DKK4: variants seen among roughly 807,000 people sequenced by gnomAD.
DKK4 encodes dickkopf-related protein 4.
Under a neutral mutation model 14.5 loss-of-function variants are expected in DKK4, and 15 were observed. That is an observed-to-expected ratio of 1.03 (90% CI 0.69 to 1.59). The LOEUF (loss-of-function observed/expected upper bound fraction) is 1.59. Among genes scored for constraint, DKK4 ranks in the 40% most tolerant of loss-of-function variants. The probability of loss-of-function intolerance (pLI) is 0.00; values close to 1 mark genes in which losing one functional copy is unlikely to be tolerated. For synonymous variants in DKK4, 89 were observed against 105.2 expected (o/e 0.85, Z 0.94); for missense variants, 272 against 280.3 (o/e 0.97, Z 0.21).
In DKK4 at chr8:42,374,322, A is replaced by G. The variant is rs757069150; in HGVS notation, c.453T>C (p.Cys151=). 21 of 1,613,712 alleles carry G rather than the reference A, an allele frequency of 1.3e-5. No individual in the cohort carries two copies. Among genetic ancestry groups the G allele is most frequent in the African/African-American group, 4.0e-5 (3 of 74,906 alleles). ...GACGAGCACAGCAAAGTCCAGGGCCACAGTCAAAAGTTCTCAGACAACTTT... is the reference window on the plus strand; with the variant it reads ...GACGAGCACAGCAAAGTCCAGGGCCGCAGTCAAAAGTTCTCAGACAACTTT... ...EGESCLRTFD[C]GPGLCCARHF... is the part of the protein sequence containing the mutation. Residue 151 remains cysteine (C), a synonymous_variant, in exon 4 of 4, where the codon TGT becomes TGC. Transcript: ENST00000220812.
chr8:42,380,753 AG>A (rs1445046848), upstream of DKK4, among the ~76,000 whole-genome samples: 6 of 149,486 alleles, frequency 4.0e-5, no homozygotes, highest in Admixed American at 2.0e-4. Flanking sequence ...GGAAAGAGAG[AG>A]AGAGAGAGAG....
In DKK4 at chr8:42,374,308, C is replaced by T. The variant is rs1245988684; in HGVS notation, c.467G>A (p.Cys156Tyr). The change falls in exon 4 of 4, where the codon TGC becomes TAC. Residue 156 changes from cysteine (C) to tyrosine (Y), a missense_variant. Transcript: ENST00000220812. ...TTTCGTCCAAAAATGACGAGCACAG[C>T]AAAGTCCAGGGCCACAGTCAAAAGT... is the stretch of plus-strand genomic sequence containing the variant. ...LRTFDCGPGL[C>Y]CARHFWTKIC... The T allele has an allele frequency of 1.9e-6, 3 of 1,613,698 alleles. No individual in the cohort carries two copies. Among genetic ancestry groups the T allele is most frequent in the Non-Finnish European group, 8.5e-7 (1 of 1,179,932 alleles).
At chr8:42,386,412 C>G in the DKK4 span, among the ~76,000 whole-genome samples, 6 of 152,146 alleles carry the variant, frequency 3.9e-5, no homozygotes, top group Admixed American at 3.9e-4. Context: ...GAACCCATGG[C>G]TATACCACAA....
chr8:42,380,426 AAAG>A (rs1305312098), upstream of DKK4, among the ~76,000 whole-genome samples: 8 of 147,526 alleles, frequency 5.4e-5, no homozygotes, highest in Non-Finnish European at 9.0e-5. Flanking sequence ...GAAAGAAGGG[AAAG>A]AAGAAGAGAG....
At chr8:42,379,414 GAGAGAGAGAGAGAA>G (rs1209418647), upstream of DKK4, among the ~76,000 whole-genome samples, 24 of 130,246 alleles carry the variant, frequency 1.8e-4, no homozygotes, top group Non-Finnish European at 2.1e-4. Flanking sequence ...GAGAGAGAGA[GAGAGAGAGAGAGAA>G]AGATTCAGAC....
Position 42,374,776 on chromosome 8 carries a change from A to G in DKK4, c.400T>C (p.Ser134Pro), listed in dbSNP as rs750167453. 3.7e-6 allele frequency: 6 copies of G among 1,614,008 alleles called. No homozygotes were observed. The East Asian group carries it at 1.3e-4, about 36-fold the overall frequency. The change falls in exon 3 of 4, where the codon TCA becomes CCA. Residue 134 changes from serine (S) to proline (P), a missense_variant. Ser to Pro is a moderately conservative substitution (Grantham distance 74, BLOSUM62 -1). Transcript: ENST00000220812. The part of the protein sequence containing the change: ...QPKRKPSIKK[S>P]QGRKGQEGES... ...CTGTTCTTACCCTTCCTGCCTTGTG[A>G]TTTCTTAATACTTGGCTTCCTTTTG...
intron 2 of DKK4, 75 bp downstream of exon 2, chr8:42,375,605 C>T (rs1824541688): frequency 6.4e-6 from 10 of 1,569,512 alleles, no homozygotes; most frequent in Non-Finnish European, 7.8e-6. Flanking sequence ...GAGTGCCTAC[C>T]CTGGAATATT....
At position 42,375,724 on chromosome 8, in the gene DKK4, C is replaced by A; in HGVS notation, c.218G>T (p.Cys73Phe). ...CATCRGLRRR[C>F]QRDAMCCPGT... ...AGGGCAGCACATGGCATCTCGCTGG[C>A]ACCTCCTCCGCAACCCACGACATGT... Residue 73 changes from cysteine to phenylalanine, a missense_variant, in exon 2 of 4, where the codon TGC becomes TTC. Transcript: ENST00000220812. The A allele has an allele frequency of 6.2e-7, 1 of 1,613,940 alleles. No individual in the cohort carries two copies. The highest frequency in any genetic ancestry group is 8.5e-7 in the Non-Finnish European group (1 of 1,180,016).
intron 1 of DKK4, among the ~76,000 whole-genome samples, chr8:42,376,630 G>A (rs1824569866): frequency 6.6e-6 from 1 of 152,136 alleles, no homozygotes; most frequent in African/African-American, 2.4e-5. Flanking sequence ...AAATTGTGAG[G>A]AAGAGTACAT....
intron 2 of DKK4, 69 bp from the exon 3 acceptor site, chr8:42,374,982 CCTA>C (rs1824530905): frequency 1.3e-6 from 2 of 1,531,828 alleles, no homozygotes; most frequent in Non-Finnish European, 1.8e-6. Flanking sequence ...CACTAATTAT[CCTA>C]CTGTTGCATA....
rs1824528205 is a variant in DKK4 at position 42,374,876 on chromosome 8, T to C, written c.300A>G (p.Leu100=). 1.2e-6 allele frequency: 2 copies of C among 1,614,104 alleles called. No homozygotes were observed. The highest frequency in any genetic ancestry group is 1.7e-6 in the Non-Finnish European group (2 of 1,180,054). Reference sequence around the variant, plus strand: ...CATCTTGCTCATCAAGCTGCCTTTCTAATATTGGGGTTGCATCTTCCATCG... The same window carrying C: ...CATCTTGCTCATCAAGCTGCCTTTCCAATATTGGGGTTGCATCTTCCATCG... The part of the protein sequence containing the change: ...CTTMEDATPI[L]ERQLDEQDGT... Residue 100 remains leucine, a synonymous_variant, in exon 3 of 4, where the codon TTA becomes TTG. Transcript: ENST00000220812.
At chr8:42,375,283 G>T (rs1824535364) in intron 2 of DKK4, among the ~76,000 whole-genome samples, 1 of 152,174 alleles carries the variant, frequency 6.6e-6, no homozygotes, top group South Asian at 2.1e-4. Flanking sequence ...GCTTACGCTT[G>T]TAATCCCAGC....
chr8:42,375,802 C>G lies in DKK4; in HGVS notation c.140G>C (p.Cys47Ser), dbSNP rs1399442974. 2 of 1,613,950 alleles carry G rather than the reference C, an allele frequency of 1.2e-6. No individual in the cohort carries two copies. The highest frequency in any genetic ancestry group is 1.7e-5 in the Admixed American group (1 of 59,974). ...KGSQCLSDTD[C>S]NTRKFCLQPR... ...CTGGAGGCAGAACTTTCTGGTATTG[C>G]AGTCCGTGTCAGACAGGCACTGTGA... is the stretch of plus-strand genomic sequence containing the variant. Residue 47 changes from cysteine (C) to serine (S), a missense_variant, in exon 2 of 4, where the codon TGC becomes TCC. Cys to Ser is a moderately radical substitution (Grantham distance 112). Coordinates refer to ENST00000220812, the MANE Select transcript of DKK4 (RefSeq NM_014420.3).
upstream of DKK4, among the ~76,000 whole-genome samples, chr8:42,378,943 C>CA (rs1166439885): frequency 0.23 from 11,139 of 49,328 alleles, 1,727 homozygotes; most frequent in African/African-American, 0.44. Context: ...CCTGTCTCCA[C>CA]AAAAAAAAAA....
the DKK4 span, among the ~76,000 whole-genome samples, chr8:42,386,062 C>T: frequency 1.2e-4 from 19 of 152,326 alleles, no homozygotes; most frequent in African/African-American, 2.2e-4. Context: ...TCTGCCTCCC[C>T]GGATTGGAGG....
At chr8:42,377,338 G>A, upstream of DKK4, 1 of 342,508 alleles carries the variant, frequency 2.9e-6, no homozygotes, top group Non-Finnish European at 5.3e-6. Context: ...AAATCTGTTT[G>A]ATCAATAGTT....
intron 2 of DKK4, among the ~76,000 whole-genome samples, 168 bp downstream of exon 2, chr8:42,375,512 C>T (rs978209504): frequency 1.8e-4 from 27 of 150,072 alleles, no homozygotes; most frequent in Non-Finnish European, 3.0e-4. Flanking sequence ...GGCGAAACTC[C>T]GCCTCAGAAA....
rs1824525978 is a variant in DKK4, at chr8:42,374,824, GC to G, written c.351del (p.His118ThrfsTer29). 1 of 1,614,088 alleles carries G rather than the reference GC, an allele frequency of 6.2e-7. No homozygotes were observed. Among genetic ancestry groups the G allele is most frequent in the African/African-American group, 1.3e-5 (1 of 74,938 alleles). On this transcript the variant is annotated frameshift_variant, in exon 3 of 4. Coordinates refer to ENST00000220812, the MANE Select transcript of DKK4 (RefSeq NM_014420.3). LOFTEE classifies it high-confidence loss of function. ...QDGTHAEGTT[G>X]HPVQENQPKR... The stretch of plus-strand genomic sequence containing the variant: ...TTGGGTTGGTTTTCCTGGACTGGGT[GC>G]CCAGTTGTTCCTTCTGCATGTGTGC...
chr8:42,378,399 G>A (rs985468061), upstream of DKK4, among the ~76,000 whole-genome samples: 2 of 152,226 alleles, frequency 1.3e-5, no homozygotes, highest in Non-Finnish European at 1.5e-5. Context: ...GTGCCATTCC[G>A]AGGGTGATGC....
Sources: allele counts gnomAD v4.1 joint callset (sites outside exome capture counted in the v4.1 genomes callset), GRCh38; gene constraint gnomAD v4.1.1; transcripts MANE v1.5; gene names NCBI Gene and HGNC (gene_info 2026-07-23, HGNC 2026-07-21).